Variants in NRG1 observed in about 807,000 individuals in gnomAD.
NRG1 encodes neuregulin 1, also known as pro-neuregulin-1, membrane-bound isoform.
NRG1 carries 18 observed loss-of-function variants against 63.8 expected under a neutral mutation model. That is an observed-to-expected ratio of 0.28 (90% CI 0.19 to 0.42). NRG1 has a LOEUF of 0.42. Ranked by LOEUF, NRG1 falls within the 10% of genes least tolerant of loss-of-function variation. The pLI is 1.00. For missense variants in NRG1, 762 were observed against 814.7 expected, an observed-to-expected ratio of 0.94 and a Z score of 0.79; for synonymous variants, 302 against 301.3, an observed-to-expected ratio of 1.00 and a Z score of -0.02.
intron 1 of NRG1, among the ~76,000 whole-genome samples, chr8:32,470,030 A>AT (rs71208185): frequency 0.11 from 15,138 of 132,414 alleles, 937 homozygotes; most frequent in Admixed American, 0.21. Flanking sequence ...CGCCCAGCTA[A>AT]TTTTTTTTTT....
chr8:32,321,919 A>T (rs117728047), intron 1 of NRG1, among the ~76,000 whole-genome samples: 3,389 of 152,088 alleles, frequency 0.022, 45 homozygotes, highest in Middle Eastern at 0.041. Flanking sequence ...TAGAGACAAG[A>T]TGCTGCCTTA....
intron 1 of NRG1, among the ~76,000 whole-genome samples, chr8:31,877,227 T>A (rs1166695165): frequency 1.3e-5 from 2 of 152,162 alleles, no homozygotes; most frequent in Non-Finnish European, 2.9e-5. Flanking sequence ...TTAACTTTTT[T>A]AGAAAGCCAT....
chr8:31,790,202 A>C (rs1178601624), intron 1 of NRG1, among the ~76,000 whole-genome samples: 1 of 152,218 alleles, frequency 6.6e-6, no homozygotes, highest in African/African-American at 2.4e-5. Flanking sequence ...CAATATGCTT[A>C]GTGAAGAAGG....
At chr8:32,608,800 C>G (rs555945267) in intron 3 of NRG1, among the ~76,000 whole-genome samples, 1 of 152,260 alleles carries the variant, frequency 6.6e-6, no homozygotes, top group East Asian at 1.9e-4. Context: ...GACTCCGCCT[C>G]TTTATAATTC....
chr8:31,754,798 T>A (rs1816806536), intron 1 of NRG1, among the ~76,000 whole-genome samples: 2 of 152,062 alleles, frequency 1.3e-5, no homozygotes, highest in African/African-American at 4.8e-5. Context: ...AATGGAAGAA[T>A]GAAGGGACAA....
chr8:32,580,588 A>G (rs547696155), intron 1 of NRG1, among the ~76,000 whole-genome samples: 1 of 152,332 alleles, frequency 6.6e-6, no homozygotes, highest in East Asian at 1.9e-4. Context: ...TAGAAAATGT[A>G]AAATGAGGCT....
At chr8:32,609,634 T>G (rs1028563919) in intron 3 of NRG1, among the ~76,000 whole-genome samples, 1 of 122,202 alleles carries the variant, frequency 8.2e-6, no homozygotes, top group Admixed American at 8.7e-5. Flanking sequence ...CCTCCCTCCC[T>G]CCCTCTGTCT....
chr8:32,692,664 C>G (rs1812087588), intron 5 of NRG1, among the ~76,000 whole-genome samples: 1 of 152,194 alleles, frequency 6.6e-6, no homozygotes, highest in South Asian at 2.1e-4. Flanking sequence ...AATGAGCTTT[C>G]TCTTTTAAGT....
chr8:32,487,632 C>CAA (rs1826063731), intron 1 of NRG1, among the ~76,000 whole-genome samples: 1 of 151,974 alleles, frequency 6.6e-6, no homozygotes, highest in African/African-American at 2.4e-5. Flanking sequence ...TGCTTGAGAC[C>CAA]GCATCTGTAT....
rs76885009 is a variant in NRG1 at position 32,549,793 on chromosome 8, G to A, written c.100+967G>A. ...AAAGAGGCATGTCGAATAAATACTTGTTTATGAGTGATTGGTAGGTAGCTG... is the reference window on the plus strand; with the variant it reads ...AAAGAGGCATGTCGAATAAATACTTATTTATGAGTGATTGGTAGGTAGCTG... On this transcript the variant is annotated intron_variant, in intron 1 of 11. Coordinates refer to ENST00000356819, the Ensembl canonical transcript of NRG1. Among the ~76,000 whole-genome samples, 451 of 152,274 alleles carry A rather than the reference G, an allele frequency of 3.0e-3. 5 individuals are homozygous for A. Among genetic ancestry groups the A allele is most frequent in the African/African-American group, 8.3e-3 (347 of 41,560 alleles).
At position 32,196,455 on chromosome 8, in the gene NRG1, C is replaced by T. The variant is rs1842960768; in HGVS notation, c.38-399373C>T. On this transcript the variant is annotated intron_variant, in intron 1 of 10. Coordinates refer to the NRG1 transcript ENST00000519301. Reference sequence around the variant, plus strand: ...TCACCTATGCTTAGAAGTTTAGACTCAGAATAACTGATGGCAAATGGAAAA... The same window carrying T: ...TCACCTATGCTTAGAAGTTTAGACTTAGAATAACTGATGGCAAATGGAAAA... 2.0e-5 allele frequency among the ~76,000 whole-genome samples: 3 copies of T among 152,054 alleles called. No individual in the cohort carries two copies. In the South Asian group the frequency reaches 6.2e-4, roughly 32 times the overall value.
At chr8:32,496,481 T>C (rs1025048856) in intron 1 of NRG1, among the ~76,000 whole-genome samples, 1 of 152,108 alleles carries the variant, frequency 6.6e-6, no homozygotes, top group Non-Finnish European at 1.5e-5. Flanking sequence ...TCTCACCTAC[T>C]TGGGAAACTA....
intron 1 of NRG1, among the ~76,000 whole-genome samples, chr8:31,711,904 G>A (rs1453066421): frequency 6.6e-6 from 1 of 152,118 alleles, no homozygotes; most frequent in African/African-American, 2.4e-5. Flanking sequence ...CATGCTTAAA[G>A]GCTCTGCCCA....
At chr8:32,648,315 G>A in intron 5 of NRG1, 3 of 1,614,036 alleles carry the variant, frequency 1.9e-6, no homozygotes, top group South Asian at 1.1e-5. Flanking sequence ...GAACCCTGAG[G>A]TGAGAACGCC....
chr8:32,410,511 C>T (rs1414054921), intron 1 of NRG1, among the ~76,000 whole-genome samples: 1 of 152,114 alleles, frequency 6.6e-6, no homozygotes, highest in African/African-American at 2.4e-5. Context: ...GTATATTATA[C>T]AAACTTTCTG....
chr8:32,120,854 T>G (rs2131547310), intron 1 of NRG1, among the ~76,000 whole-genome samples: 1 of 152,170 alleles, frequency 6.6e-6, no homozygotes, highest in African/African-American at 2.4e-5. Context: ...GATCTCATTT[T>G]CTCTAGCACA....
At chr8:31,958,334 G>A (rs1016660034) in intron 1 of NRG1, among the ~76,000 whole-genome samples, 4 of 152,066 alleles carry the variant, frequency 2.6e-5, no homozygotes, top group African/African-American at 9.7e-5. Flanking sequence ...TAATCAATTT[G>A]GGTACCATTT....
In NRG1 at chr8:32,073,362, G is replaced by A. The variant is rs542655584; in HGVS notation, c.37+433931G>A. Among the ~76,000 whole-genome samples the A allele has an allele frequency of 3.9e-5, 6 of 152,206 alleles. No homozygotes were observed. In the South Asian group the frequency reaches 1.2e-3, roughly 32 times the overall value. ...TTATGCTCTGCCAACATATACTGAG[G>A]ATTACTAAACTTGGAGGTAGAAAAT... On this transcript the variant is annotated intron_variant, in intron 1 of 10. Transcript: ENST00000519301.
At chr8:31,889,516 G>T (rs1830982572) in intron 1 of NRG1, among the ~76,000 whole-genome samples, 1 of 152,172 alleles carries the variant, frequency 6.6e-6, no homozygotes, top group African/African-American at 2.4e-5. Context: ...AGGGGCCTCT[G>T]CTAAAGCTGA....
Sources: allele counts gnomAD v4.1 joint callset (sites outside exome capture counted in the v4.1 genomes callset), GRCh38; gene constraint gnomAD v4.1.1; transcripts MANE v1.5; gene names NCBI Gene and HGNC (gene_info 2026-07-23, HGNC 2026-07-21).